Variants in SHISA9 observed in about 807,000 individuals in gnomAD.
SHISA9 encodes shisa family member 9, also known as protein shisa-9.
Under a neutral mutation model 38.0 loss-of-function variants are expected in SHISA9, and 13 were observed. That is an observed-to-expected ratio of 0.34 (90% confidence interval 0.22 to 0.54). SHISA9 has a LOEUF of 0.54. Ranked by LOEUF, SHISA9 falls within the 20% of genes least tolerant of loss-of-function variation. The pLI is 0.91. For missense variants in SHISA9, 538 were observed against 575.8 expected (o/e 0.93, Z 0.67); for synonymous variants, 275 against 242.0 (o/e 1.14, Z -1.27).
At chr16:13,002,209 C>T (rs1311943279) in intron 2 of SHISA9, among the ~76,000 whole-genome samples, 1 of 152,154 alleles carries the variant, frequency 6.6e-6, no homozygotes, top group Admixed American at 6.5e-5. Flanking sequence ...TCTGGATGAT[C>T]AGAGAGGTGT....
rs555959966 is a variant in SHISA9 at position 13,212,699 on chromosome 16, T to C, written c.848-554T>C. On this transcript the variant is annotated intron_variant, in intron 3 of 4. Coordinates refer to ENST00000558583, the MANE Select transcript of SHISA9 (RefSeq NM_001145204.3). Reference sequence around the variant, plus strand: ...AGTCATATTTTCCAAACACAGAATGTGTGTTAGGTACTGTGGTAAGGTAGC... The same window carrying C: ...AGTCATATTTTCCAAACACAGAATGCGTGTTAGGTACTGTGGTAAGGTAGC... Among the ~76,000 whole-genome samples the C allele has an allele frequency of 7.5e-4, 114 of 152,326 alleles. 1 individual carries two copies. The highest frequency in any genetic ancestry group is 2.6e-3 in the African/African-American group (107 of 41,566).
At chr16:13,289,831 C>G in the SHISA9 span, among the ~76,000 whole-genome samples, 4 of 152,198 alleles carry the variant, frequency 2.6e-5, no homozygotes, top group Non-Finnish European at 5.9e-5. Context: ...TTTTCAGACA[C>G]ATGATCCCCA....
At chr16:13,198,872 C>A (rs1365280777) in intron 2 of SHISA9, among the ~76,000 whole-genome samples, 1 of 152,202 alleles carries the variant, frequency 6.6e-6, no homozygotes, top group Non-Finnish European at 1.5e-5. Flanking sequence ...TGGATGGTGT[C>A]ACTTCTTTTG....
chr16:13,313,707 A>AG, the SHISA9 span, among the ~76,000 whole-genome samples: 1 of 152,254 alleles, frequency 6.6e-6, no homozygotes, highest in Non-Finnish European at 1.5e-5. Flanking sequence ...CAAATTGTAT[A>AG]CACAGAACTT....
chr16:13,294,204 T>C, the SHISA9 span, among the ~76,000 whole-genome samples: 2 of 152,206 alleles, frequency 1.3e-5, no homozygotes, highest in African/African-American at 4.8e-5. Flanking sequence ...TGTAATAATC[T>C]ACCCCAAAAC....
chr16:13,424,948 C>T, the SHISA9 span, among the ~76,000 whole-genome samples: 1 of 152,148 alleles, frequency 6.6e-6, no homozygotes, highest in Non-Finnish European at 1.5e-5. Context: ...AAAGTGAAAT[C>T]ATCATAACAT....
At chr16:13,416,757 A>AGGAAGGAAG in the SHISA9 span, among the ~76,000 whole-genome samples, 11,803 of 119,850 alleles carry the variant, frequency 0.098, 700 homozygotes, top group African/African-American at 0.12. Context: ...GAAGGAAGGA[A>AGGAAGGAAG]GGAAGGAAGG....
At chr16:12,911,303 AATTCTTAGGCATTTGTGTGGCTTGG>A in intron 1 of SHISA9, 2 of 985,350 alleles carry the variant, frequency 2.0e-6, no homozygotes, top group Non-Finnish European at 2.4e-6. Context: ...ACAAACGCCA[AATTCTTAGGCATTTGTGTGGCTTGG>A]AGCACATAGT....
At chr16:12,945,275 G>A (rs2141765820) in intron 2 of SHISA9, among the ~76,000 whole-genome samples, 2 of 152,248 alleles carry the variant, frequency 1.3e-5, no homozygotes, top group South Asian at 2.1e-4. Flanking sequence ...GTGGGCAGGG[G>A]CTGAATATCT....
At chr16:13,202,383 C>T (rs1286708209) in intron 2 of SHISA9, among the ~76,000 whole-genome samples, 1 of 133,088 alleles carries the variant, frequency 7.5e-6, no homozygotes, top group African/African-American at 3.0e-5. Context: ...TCCTGTAGAT[C>T]TCAGCTCAGA....
chr16:13,547,772 T>A, the SHISA9 span, among the ~76,000 whole-genome samples: 2 of 152,134 alleles, frequency 1.3e-5, no homozygotes, highest in African/African-American at 2.4e-5. Context: ...AGAATTAATA[T>A]TATTAAAATG....
At chr16:13,552,812 T>C in the SHISA9 span, among the ~76,000 whole-genome samples, 2 of 152,082 alleles carry the variant, frequency 1.3e-5, no homozygotes, top group Non-Finnish European at 2.9e-5. Flanking sequence ...CTTCTAATAA[T>C]TGGCCTCTGT....
chr16:13,218,201 G>C (rs186513933), intron 4 of SHISA9, among the ~76,000 whole-genome samples: 2 of 152,208 alleles, frequency 1.3e-5, no homozygotes, highest in African/African-American at 4.8e-5. Flanking sequence ...AGAGGGGCTT[G>C]AGGACTTGAC....
the SHISA9 span, chr16:13,562,627 C>A: frequency 9.4e-6 from 1 of 106,200 alleles, no homozygotes; most frequent in African/African-American, 4.0e-5. Context: ...AAGACTCTGT[C>A]TGAAAAAAAA....
intron 2 of SHISA9, among the ~76,000 whole-genome samples, chr16:12,965,024 T>G (rs2141798561): frequency 6.6e-6 from 1 of 152,244 alleles, no homozygotes; most frequent in African/African-American, 2.4e-5. Context: ...TACGAATAAA[T>G]GAATATCTAT....
the SHISA9 span, among the ~76,000 whole-genome samples, chr16:13,468,061 A>G: frequency 4.6e-5 from 7 of 152,318 alleles, no homozygotes; most frequent in Admixed American, 6.5e-5. Flanking sequence ...AGAGGGTTTT[A>G]TTCTTCCTGT....
chr16:13,402,547 C>T, the SHISA9 span, among the ~76,000 whole-genome samples: 1 of 142,548 alleles, frequency 7.0e-6, no homozygotes, highest in Non-Finnish European at 1.5e-5. Flanking sequence ...CAGAGTCTCA[C>T]TCTGTCACCC....
chr16:13,177,312 A>G (rs1238306949), intron 2 of SHISA9, among the ~76,000 whole-genome samples: 2 of 152,184 alleles, frequency 1.3e-5, no homozygotes, highest in Non-Finnish European at 2.9e-5. Flanking sequence ...ATCCATAGCA[A>G]TACGAAGTTT....
chr16:13,000,002 G>A (rs972461863), intron 2 of SHISA9, among the ~76,000 whole-genome samples: 1 of 152,184 alleles, frequency 6.6e-6, no homozygotes, highest in Non-Finnish European at 1.5e-5. Context: ...TCTGCCATTC[G>A]TCTTGAATTT....
Sources: allele counts gnomAD v4.1 joint callset (sites outside exome capture counted in the v4.1 genomes callset), GRCh38; gene constraint gnomAD v4.1.1; transcripts MANE v1.5; gene names NCBI Gene and HGNC (gene_info 2026-07-23, HGNC 2026-07-21).